The following NR1D2 variants were observed in gnomAD, a reference collection of about 807,000 sequenced individuals.
NR1D2 encodes V-erbA-related protein 1-related.
NR1D2 carries 25 observed loss-of-function variants against 52.2 expected under a neutral mutation model. The observed-to-expected ratio is 0.48, with a 90% CI of 0.35 to 0.67. The LOEUF (loss-of-function observed/expected upper bound fraction) is 0.67. Among genes scored for constraint, NR1D2 ranks in the 30% least tolerant of loss-of-function variants. NR1D2 has a pLI of 0.01. For missense variants in NR1D2, 681 were observed against 707.2 expected (o/e 0.96, Z 0.42); for synonymous variants, 259 against 230.1 (o/e 1.13, Z -1.14).
At chr3:23,958,415 A>T (rs1394776764) in intron 3 of NR1D2, among the ~76,000 whole-genome samples, 1 of 151,898 alleles carries the variant, frequency 6.6e-6, no homozygotes, top group Admixed American at 6.6e-5. Flanking sequence ...GGGAGGCTGA[A>T]GCTGTAGGAT....
At chr3:23,974,624 T>C (rs557951246) in intron 7 of NR1D2, among the ~76,000 whole-genome samples, 56 of 152,246 alleles carry the variant, frequency 3.7e-4, no homozygotes, top group African/African-American at 1.2e-3. Context: ...TCAAGTGAAA[T>C]AGTGTTTTTT....
chr3:23,955,911 A>G (rs1575149117), intron 2 of NR1D2, 126 bp from the exon 3 acceptor site: 2 of 611,976 alleles, frequency 3.3e-6, no homozygotes, highest in Middle Eastern at 2.8e-4. Context: ...TTTCTTTTAC[A>G]TTATGAAAGT....
At position 23,945,298 on chromosome 3, in the gene NR1D2, CGCCGCCGCGGTGCGCTGGCTGCAGGAA is replaced by C. The variant is rs1271146777; in HGVS notation, c.-271_-245del. The C allele has an allele frequency of 4.2e-4, 65 of 156,148 alleles. No individual in the cohort carries two copies. The highest frequency in any genetic ancestry group is 5.6e-4 in the East Asian group (3 of 5,372). 9.7% of individuals were successfully genotyped at this position (156,148 alleles called of 1,614,324 possible). ...GGCTGCCCTCCCCGTCAGCCGCCCT[CGCCGCCGCGGTGCGCTGGCTGCAGGAA>C]GCCGCCGCGCCGCCGCTTTTGTTGT... On this transcript the variant is annotated 5_prime_UTR_variant, in exon 1 of 8. Coordinates refer to ENST00000312521, the MANE Select transcript of NR1D2 (RefSeq NM_005126.5).
intron 7 of NR1D2, among the ~76,000 whole-genome samples, chr3:23,976,104 T>C (rs1331751685): frequency 1.3e-5 from 2 of 152,262 alleles, no homozygotes; most frequent in Non-Finnish European, 2.9e-5. Context: ...ATGGGTGATC[T>C]ACATAGGTTT....
Position 23,966,415 on chromosome 3 carries a change from C to G in NR1D2, c.1332+1253C>G, listed in dbSNP as rs77466349. ...TGGGTGTTGGTTTCTTGAAGCAGTT[C>G]AGTTAGACTTCATCTGCTTCCTTTG... On this transcript the variant is annotated intron_variant, in intron 6 of 7. Coordinates refer to ENST00000312521, the MANE Select transcript of NR1D2 (RefSeq NM_005126.5). 3.3e-4 allele frequency among the ~76,000 whole-genome samples: 51 copies of G among 152,322 alleles called. No individual in the cohort carries two copies. In the East Asian group the frequency reaches 9.2e-3, roughly 28 times the overall value.
chr3:23,945,358 C>A lies in NR1D2; in HGVS notation c.-221C>A. 1 of 166,764 alleles carries A rather than the reference C, an allele frequency of 6.0e-6. No homozygotes were observed. The highest frequency in any genetic ancestry group is 1.3e-5 in the Non-Finnish European group (1 of 78,472). 10.3% of individuals were successfully genotyped at this position (166,764 alleles called of 1,614,324 possible). ...CGCCGCCGCTTTTGTTGTCAGGGAC[C>A]CAGCGAGGAGCGCCGCTCGCCGGCC... On this transcript the variant is annotated 5_prime_UTR_variant, in exon 1 of 8. Coordinates refer to ENST00000312521, the MANE Select transcript of NR1D2 (RefSeq NM_005126.5).
chr3:23,962,105 C>CA lies in NR1D2; in HGVS notation c.647dup (p.His216GlnfsTer2). 1 of 1,614,168 alleles carries CA rather than the reference C, an allele frequency of 6.2e-7. No individual in the cohort carries two copies. The highest frequency in any genetic ancestry group is 8.5e-7 in the Non-Finnish European group (1 of 1,180,020). ...GCAAAATGACACATTAGTAGAACATCATGAACAGACAGCCTTGCCAGCCCA... is the reference window on the plus strand; with the variant it reads ...GCAAAATGACACATTAGTAGAACATCAATGAACAGACAGCCTTGCCAGCCCA... On this transcript the variant is annotated frameshift_variant, in exon 5 of 8. Transcript: ENST00000312521. LOFTEE classifies it high-confidence loss of function.
chr3:23,973,956 C>T (rs111375787), intron 7 of NR1D2, among the ~76,000 whole-genome samples: 4,167 of 152,106 alleles, frequency 0.027, 211 homozygotes, highest in African/African-American at 0.095. Context: ...ACATTTTGTT[C>T]TACTGGAAGG....
chr3:23,972,617 G>T (rs1456023160), intron 7 of NR1D2, among the ~76,000 whole-genome samples: 2 of 152,134 alleles, frequency 1.3e-5, no homozygotes, highest in African/African-American at 2.4e-5. Flanking sequence ...TCATCCTGTA[G>T]GAAGTGAAAA....
chr3:23,971,301 C>CCATTTTTTTTTTTTTTTTTTTTTT (rs201185985), intron 7 of NR1D2, among the ~76,000 whole-genome samples: 1 of 110,852 alleles, frequency 9.0e-6, no homozygotes. Context: ...ATCTCTATAC[C>CCATTTTTTTTTTTTTTTTTTTTTT]TATTTTTTTT....
At chr3:23,946,178 A>AGCCCCCGCGGCGGGGC in intron 1 of NR1D2, 1 of 985,208 alleles carries the variant, frequency 1.0e-6, no homozygotes, top group African/African-American at 1.7e-5. Flanking sequence ...GCGCCCGCTG[A>AGCCCCCGCGGCGGGGC]GCCCCCGCGG....
At chr3:23,959,263 CA>C (rs5847262) in intron 3 of NR1D2, among the ~76,000 whole-genome samples, 30,343 of 91,546 alleles carry the variant, frequency 0.33, 2,900 homozygotes, top group Middle Eastern at 0.38. Flanking sequence ...GATCCTATCT[CA>C]AAAAAAAAAA....
rs1202722923 is a variant in NR1D2, at chr3:23,945,479, C to G, written c.-100C>G. 10 of 719,346 alleles carry G rather than the reference C, an allele frequency of 1.4e-5. No homozygotes were observed. In the African/African-American group the frequency reaches 1.9e-4, roughly 14 times the overall value. 44.6% of individuals were successfully genotyped at this position (719,346 alleles called of 1,614,324 possible). On this transcript the variant is annotated 5_prime_UTR_variant, in exon 1 of 8. Coordinates refer to ENST00000312521, the MANE Select transcript of NR1D2 (RefSeq NM_005126.5). ...GCCCATGAGGGGGCCCCGCGACCAC[C>G]GCTGCTTCCAGCCCGGGGCGGCGCG...
intron 7 of NR1D2, among the ~76,000 whole-genome samples, chr3:23,969,923 C>T (rs1706543117): frequency 6.6e-6 from 1 of 151,916 alleles, no homozygotes; most frequent in Non-Finnish European, 1.5e-5. Context: ...CGAGATAGGG[C>T]CGGGGAAGGG....
At chr3:23,959,362 G>A (rs547821424) in intron 3 of NR1D2, among the ~76,000 whole-genome samples, 42 of 152,228 alleles carry the variant, frequency 2.8e-4, no homozygotes, top group African/African-American at 1.0e-3. Flanking sequence ...TGCAGGCAGG[G>A]TCTGGTAACA....
intron 1 of NR1D2, chr3:23,946,083 C>G (rs1050882772): frequency 2.0e-6 from 2 of 984,508 alleles, no homozygotes; most frequent in Non-Finnish European, 2.4e-6. Flanking sequence ...GAGGCTCCGC[C>G]CCTTTGGAAG....
intron 4 of NR1D2, 123 bp from the exon 5 acceptor site, chr3:23,961,854 A>G: frequency 1.1e-6 from 1 of 886,134 alleles, no homozygotes; most frequent in Non-Finnish European, 1.7e-6. Flanking sequence ...GACCAGAGAC[A>G]TGTAGACTCA....
At chr3:23,965,235 CTTTTTTTTTTTTTT>C (rs371267256) in intron 6 of NR1D2, 73 bp downstream of exon 6, 67 of 309,308 alleles carry the variant, frequency 2.2e-4, no homozygotes, top group Non-Finnish European at 3.2e-4. Flanking sequence ...TGTTTTAATT[CTTTTTTTTTTTTTT>C]TTTTTTTTGA....
rs142359214 is a variant in NR1D2, at chr3:23,954,445, C to T, written c.17-92C>T. On this transcript the variant is annotated intron_variant, in intron 1 of 7. Coordinates refer to ENST00000312521, the MANE Select transcript of NR1D2 (RefSeq NM_005126.5). ...AACATTTCATATCAGTATCCTGTTT[C>T]TAAAGTTAATGGCTTTACTGTTGAG... 7.4e-6 allele frequency: 8 copies of T among 1,074,338 alleles called. No homozygotes were observed. The East Asian group carries it at 1.9e-4, about 26-fold the overall frequency. 66.6% of individuals were successfully genotyped at this position (1,074,338 alleles called of 1,614,324 possible). A position where few individuals can be genotyped will look rare whatever the true frequency, so the allele number is the denominator to read the frequency against.
Sources: allele counts gnomAD v4.1 joint callset (sites outside exome capture counted in the v4.1 genomes callset), GRCh38; gene constraint gnomAD v4.1.1; transcripts MANE v1.5; gene names NCBI Gene and HGNC (gene_info 2026-07-23, HGNC 2026-07-21).